Variants in PCDHA6 observed in about 807,000 individuals in gnomAD.
PCDHA6 encodes the protein protocadherin alpha-6.
In PCDHA6, 55 loss-of-function variants were observed where a neutral mutation model predicts 60.3. That is an observed-to-expected ratio of 0.91 (90% CI 0.73 to 1.14). PCDHA6 has a LOEUF of 1.14. Among genes scored for constraint, PCDHA6 ranks in the 50% most tolerant of loss-of-function variants. The probability of loss-of-function intolerance (pLI) is 0.00; values close to 1 mark genes in which losing one functional copy is unlikely to be tolerated. For synonymous variants in PCDHA6, 652 were observed against 557.9 expected, an observed-to-expected ratio of 1.17 and a Z score of -2.38; for missense variants, 1,327 against 1,256.5, an observed-to-expected ratio of 1.06 and a Z score of -0.85.
At chr5:140,906,518 A>G (rs377287696) in intron 1 of PCDHA6, among the ~76,000 whole-genome samples, 161 of 152,358 alleles carry the variant, frequency 1.1e-3, no homozygotes, top group African/African-American at 3.7e-3. Flanking sequence ...AGGAGGAAAT[A>G]CTCACGACAA....
intron 1 of PCDHA6, among the ~76,000 whole-genome samples, chr5:140,944,623 T>C (rs535315515): frequency 6.6e-6 from 1 of 152,320 alleles, no homozygotes; most frequent in East Asian, 1.9e-4. Flanking sequence ...AGAAGTATAG[T>C]GTTGTAAGCC....
intron 1 of PCDHA6, among the ~76,000 whole-genome samples, chr5:140,873,346 T>C (rs1235906519): frequency 1.5e-4 from 23 of 152,226 alleles, no homozygotes; most frequent in African/African-American, 4.8e-4. Flanking sequence ...CATCTCCAGA[T>C]GAAATTTTTG....
intron 1 of PCDHA6, among the ~76,000 whole-genome samples, chr5:140,955,604 C>T (rs1431862665): frequency 7.2e-5 from 11 of 152,060 alleles, no homozygotes; most frequent in Non-Finnish European, 1.5e-4. Context: ...TATAAATTAC[C>T]CAGTCTCAGG....
chr5:140,856,155 A>G (rs533990024), intron 1 of PCDHA6: 1 of 1,598,294 alleles, frequency 6.3e-7, no homozygotes, highest in African/African-American at 1.3e-5. Context: ...TCAGTCTACG[A>G]GGAGGCCAGA....
At chr5:140,944,629 A>G (rs1371756120) in intron 1 of PCDHA6, among the ~76,000 whole-genome samples, 3 of 152,172 alleles carry the variant, frequency 2.0e-5, no homozygotes, top group African/African-American at 7.2e-5. Context: ...ATAGTGTTGT[A>G]AGCCAGTGTG....
intron 1 of PCDHA6, among the ~76,000 whole-genome samples, chr5:140,954,401 A>G (rs567522525): frequency 2.0e-4 from 31 of 152,300 alleles, no homozygotes; most frequent in Middle Eastern, 3.4e-3. Flanking sequence ...AACCCCACCA[A>G]CAGGGTAAAG....
At chr5:140,920,718 C>A (rs183020461) in intron 1 of PCDHA6, among the ~76,000 whole-genome samples, 3 of 152,168 alleles carry the variant, frequency 2.0e-5, no homozygotes, top group East Asian at 3.9e-4. Context: ...GTGGTGTGCG[C>A]CTGCAGTCCC....
intron 1 of PCDHA6, chr5:140,860,854 C>A (rs1554153872): frequency 1.3e-5 from 2 of 152,236 alleles, no homozygotes; most frequent in African/African-American, 4.8e-5. Flanking sequence ...TCTCCTGCCT[C>A]AGCCTCCGGA....
rs150382315 is a variant in PCDHA6, at chr5:140,929,255, G to A, written c.2395-49694G>A. 5.2e-5 allele frequency: 84 copies of A among 1,613,256 alleles called. No homozygotes were observed. In the South Asian group the frequency reaches 8.9e-4, roughly 17 times the overall value. On this transcript the variant is annotated intron_variant, in intron 1 of 3. Coordinates refer to ENST00000529310, the MANE Select transcript of PCDHA6 (RefSeq NM_018909.4). ...CTGCGAAATCTTGCCACTGGGGTAG[G>A]ACTGAATTTGCCAATATCCTGTATT...
intron 1 of PCDHA6, chr5:140,870,671 A>C (rs782353440): frequency 1.2e-6 from 2 of 1,612,606 alleles, no homozygotes; most frequent in East Asian, 2.2e-5. Flanking sequence ...CAGCCGTTGG[A>C]CCACGAGGAG....
Position 141,010,924 on chromosome 5 carries a change from T to G in PCDHA6, c.*987T>G, listed in dbSNP as rs1016736721. 1 of 153,778 alleles carries G rather than the reference T, an allele frequency of 6.5e-6. No homozygotes were observed. Among genetic ancestry groups the G allele is most frequent in the Non-Finnish European group, 1.5e-5 (1 of 68,046 alleles). 9.5% of individuals were successfully genotyped at this position (153,778 alleles called of 1,614,324 possible). A position where few individuals can be genotyped will look rare whatever the true frequency, so the allele number is the denominator to read the frequency against. Reference sequence around the variant, plus strand: ...CCCCTAAACTCTCCTCAAAAGAGAATTCAGTCTACAGCCATTTAAATGATC... The same window carrying G: ...CCCCTAAACTCTCCTCAAAAGAGAAGTCAGTCTACAGCCATTTAAATGATC... On this transcript the variant is annotated 3_prime_UTR_variant, in exon 4 of 4. Transcript: ENST00000529310.
Position 140,968,634 on chromosome 5 carries a change from A to G in PCDHA6, c.2395-10315A>G, listed in dbSNP as rs782166097. ...GGGCAAAATGCTTGGCTTTTTTACC[A>G]TCTAGCCCAGACTTCTGACCTGGAC... On this transcript the variant is annotated intron_variant, in intron 1 of 3. Coordinates refer to ENST00000529310, the MANE Select transcript of PCDHA6 (RefSeq NM_018909.4). 14 of 1,614,176 alleles carry G rather than the reference A, an allele frequency of 8.7e-6. 1 individual carries two copies. The South Asian group carries it at 1.3e-4, about 15-fold the overall frequency.
rs190398483 is a variant in PCDHA6 at position 140,849,974 on chromosome 5, G to T, written c.2394+19489G>T. The T allele has an allele frequency of 6.3e-6, 10 of 1,597,556 alleles. 1 individual carries two copies. Among genetic ancestry groups the T allele is most frequent in the Admixed American group, 5.1e-5 (3 of 59,294 alleles). On this transcript the variant is annotated intron_variant, in intron 1 of 3. Coordinates refer to ENST00000529310, the MANE Select transcript of PCDHA6 (RefSeq NM_018909.4). ...AGGAGAACGCCCTGGTGTCCTACTC[G>T]CTGGTGGAGCGGCGGTTGGGCGAGC...
chr5:140,940,413 A>G (rs2092607327), intron 1 of PCDHA6, among the ~76,000 whole-genome samples: 1 of 152,166 alleles, frequency 6.6e-6, no homozygotes, highest in East Asian at 1.9e-4. Context: ...TTTAAAAATT[A>G]TAATTATTAC....
intron 1 of PCDHA6, among the ~76,000 whole-genome samples, chr5:140,972,724 C>T (rs953044769): frequency 1.9e-4 from 27 of 140,890 alleles, no homozygotes; most frequent in Non-Finnish European, 3.3e-4. Context: ...AGTGCAGTGG[C>T]GTAATCCCGG....
chr5:140,898,161 T>G (rs1208656854), intron 1 of PCDHA6, among the ~76,000 whole-genome samples: 1 of 152,216 alleles, frequency 6.6e-6, no homozygotes, highest in Non-Finnish European at 1.5e-5. Context: ...CTGATGGTGG[T>G]TTCTTTTGCT....
At chr5:140,837,346 A>G (rs1387832105) in intron 1 of PCDHA6, among the ~76,000 whole-genome samples, 2 of 152,056 alleles carry the variant, frequency 1.3e-5, no homozygotes, top group African/African-American at 2.4e-5. Context: ...AATTTAAAAT[A>G]GTTTAAATGG....
intron 1 of PCDHA6, among the ~76,000 whole-genome samples, chr5:140,845,933 C>T (rs1174545487): frequency 6.7e-6 from 1 of 149,546 alleles, no homozygotes; most frequent in African/African-American, 2.5e-5. Flanking sequence ...GTAAAACTAT[C>T]TTCTGTAAAG....
chr5:140,966,318 C>A, intron 1 of PCDHA6: 1 of 389,680 alleles, frequency 2.6e-6, no homozygotes, highest in African/African-American at 2.1e-5. Context: ...TCCTGCGGTC[C>A]GCTGGGATCC....
Sources: gnomAD v4.1 joint callset for allele counts (sites outside exome capture counted in the v4.1 genomes callset) on GRCh38, gnomAD v4.1.1 for gene constraint, MANE v1.5 for transcripts, NCBI Gene and HGNC (gene_info 2026-07-23, HGNC 2026-07-21) for gene names.